Variants in SHTN1 observed in about 807,000 individuals in gnomAD.
SHTN1 encodes shootin 1.
Under a neutral mutation model 83.1 loss-of-function variants are expected in SHTN1, and 42 were observed. That is an observed-to-expected ratio of 0.51 (90% CI 0.39 to 0.65). The LOEUF (loss-of-function observed/expected upper bound fraction) is 0.65, where lower values mean the gene tolerates loss of function less well. Ranked by LOEUF, SHTN1 falls within the 30% of genes least tolerant of loss-of-function variation. The pLI is 0.00. For missense variants in SHTN1, 622 were observed against 737.8 expected (o/e 0.84, Z 1.82); for synonymous variants, 224 against 247.7 (o/e 0.90, Z 0.90).
At chr10:117,004,791 C>T (rs1207882743) in intron 1 of SHTN1, among the ~76,000 whole-genome samples, 1 of 152,244 alleles carries the variant, frequency 6.6e-6, no homozygotes, top group African/African-American at 2.4e-5. Flanking sequence ...CAGCGGGTCT[C>T]GAGCTGCGGG....
rs531440576 is a variant in SHTN1 at position 116,956,871 on chromosome 10, G to A, written c.268-2661C>T. Among the ~76,000 whole-genome samples, 28 of 152,134 alleles carry A rather than the reference G, an allele frequency of 1.8e-4. No homozygotes were observed. The East Asian group carries it at 4.2e-3, about 23-fold the overall frequency. ...AATCCTTCTCTGAAACCCCATTTTC[G>A]CATTTTGAAAGAAGAAATGTAAGAT... On this transcript the variant is annotated intron_variant, in intron 4 of 16. Transcript: ENST00000355371.
chr10:117,037,298 A>G (rs761484739), intron 2 of SHTN1, among the ~76,000 whole-genome samples: 1 of 152,150 alleles, frequency 6.6e-6, no homozygotes, highest in Non-Finnish European at 1.5e-5. Flanking sequence ...AAAAACCCTA[A>G]TACTATTTAC....
In SHTN1 at chr10:116,994,532, G is replaced by A. The variant is rs569955418; in HGVS notation, c.58+10490C>T. On this transcript the variant is annotated intron_variant, in intron 1 of 16. Transcript: ENST00000355371. ...CAGAGAGAGAAGGGGAAAGAGGGAA[G>A]GGGAAGGGGAGATTCTGTGTTTCAT... 8.5e-5 allele frequency among the ~76,000 whole-genome samples: 13 copies of A among 152,120 alleles called. No homozygotes were observed. In the East Asian group the frequency reaches 2.1e-3, roughly 25 times the overall value.
chr10:117,068,551 A>G (rs1257877177), intron 1 of SHTN1, among the ~76,000 whole-genome samples: 2 of 152,082 alleles, frequency 1.3e-5, no homozygotes, highest in African/African-American at 4.8e-5. Flanking sequence ...TGTAGCTAAA[A>G]AAGAATGTGG....
intron 1 of SHTN1, among the ~76,000 whole-genome samples, chr10:117,086,120 A>G (rs981999140): frequency 1.3e-5 from 2 of 152,080 alleles, no homozygotes; most frequent in Non-Finnish European, 2.9e-5. Flanking sequence ...GGGTTTCACC[A>G]TGTTAGCTAG....
intron 1 of SHTN1, among the ~76,000 whole-genome samples, chr10:117,097,579 G>A (rs1235890654): frequency 6.6e-6 from 1 of 152,172 alleles, no homozygotes; most frequent in Non-Finnish European, 1.5e-5. Flanking sequence ...TCACAGATCA[G>A]CTTCATGGGT....
At chr10:116,896,176 T>C (rs1383050314) in intron 16 of SHTN1, among the ~76,000 whole-genome samples, 1 of 152,226 alleles carries the variant, frequency 6.6e-6, no homozygotes, top group African/African-American at 2.4e-5. Flanking sequence ...AAAATGCTTT[T>C]TTCCTTTATT....
chr10:117,109,553 CTTTTTTTTTTTTTTT>C (rs374713015), intron 1 of SHTN1, among the ~76,000 whole-genome samples: 1 of 42,932 alleles, frequency 2.3e-5, no homozygotes, highest in Non-Finnish European at 3.7e-5. Flanking sequence ...ACATATATTA[CTTTTTTTTTTTTTTT>C]TTTTTTTTTT....
intron 15 of SHTN1, among the ~76,000 whole-genome samples, chr10:116,905,535 T>C (rs374773070): frequency 7.2e-5 from 11 of 152,232 alleles, no homozygotes; most frequent in African/African-American, 2.6e-4. Context: ...ATAATAAAAG[T>C]TTGGTTGGTA....
intron 4 of SHTN1, among the ~76,000 whole-genome samples, chr10:116,954,442 G>C (rs184899909): frequency 8.9e-4 from 135 of 152,262 alleles, no homozygotes; most frequent in African/African-American, 2.9e-3. Flanking sequence ...AGTTGTAACT[G>C]ATGAGAAATA....
At chr10:116,980,601 C>T (rs1443033691) in intron 1 of SHTN1, among the ~76,000 whole-genome samples, 2 of 145,470 alleles carry the variant, frequency 1.4e-5, no homozygotes, top group African/African-American at 2.5e-5. Flanking sequence ...AACAAAAAAA[C>T]AGAGCTTCCT....
At chr10:116,911,390 A>G in intron 14 of SHTN1, 2 of 1,409,126 alleles carry the variant, frequency 1.4e-6, no homozygotes, top group Non-Finnish European at 1.9e-6. Flanking sequence ...TTTGGGGAGG[A>G]ATTTAGCTTC....
chr10:116,986,497 G>A (rs951251589), intron 1 of SHTN1, among the ~76,000 whole-genome samples: 1 of 151,982 alleles, frequency 6.6e-6, no homozygotes, highest in African/African-American at 2.4e-5. Flanking sequence ...CCTTAGAGGG[G>A]CCCCTAAACT....
intron 1 of SHTN1, among the ~76,000 whole-genome samples, chr10:117,085,115 A>AT (rs1340546340): frequency 6.6e-6 from 1 of 151,900 alleles, no homozygotes; most frequent in Admixed American, 6.6e-5. Context: ...GGTTTCATTG[A>AT]TTTTCTCTAT....
intron 2 of SHTN1, among the ~76,000 whole-genome samples, chr10:116,978,115 A>C (rs893905073): frequency 1.3e-5 from 2 of 152,200 alleles, no homozygotes; most frequent in South Asian, 4.1e-4. Context: ...AACTAGGTGA[A>C]AAATAATGAT....
intron 16 of SHTN1, among the ~76,000 whole-genome samples, chr10:116,897,069 A>G (rs1847549796): frequency 6.6e-6 from 1 of 152,052 alleles, no homozygotes; most frequent in South Asian, 2.1e-4. Flanking sequence ...AGCCTCCCAA[A>G]GTGCTGGGAT....
chr10:117,058,029 C>T (rs12263488), intron 1 of SHTN1, among the ~76,000 whole-genome samples: 4 of 152,078 alleles, frequency 2.6e-5, no homozygotes, highest in African/African-American at 4.8e-5. Flanking sequence ...AAAATTCACT[C>T]GAAATGCATC....
chr10:116,951,344 GC>G (rs1264089946), intron 6 of SHTN1, among the ~76,000 whole-genome samples: 2 of 152,136 alleles, frequency 1.3e-5, no homozygotes, highest in Non-Finnish European at 2.9e-5. Flanking sequence ...GATCATTTGA[GC>G]CTGGGAGGTT....
chr10:117,005,406 G>A (rs1018350258), upstream of SHTN1: 54 of 1,165,666 alleles, frequency 4.6e-5, no homozygotes, highest in African/African-American at 5.8e-4. Context: ...GGGAGGGGGG[G>A]CGGCCCTGCG....
Sources: allele counts gnomAD v4.1 joint callset (sites outside exome capture counted in the v4.1 genomes callset), GRCh38; gene constraint gnomAD v4.1.1; transcripts MANE v1.5; gene names NCBI Gene and HGNC (gene_info 2026-07-23, HGNC 2026-07-21).